The following NKAP variants were observed in gnomAD, a reference collection of about 807,000 sequenced individuals.
The protein encoded by NKAP is NF-kappa-B-activating protein.
In NKAP, 4 loss-of-function variants were observed where a neutral mutation model predicts 35.6. That is an observed-to-expected ratio of 0.11 (90% CI 0.06 to 0.26). The LOEUF is 0.26. Ranked by LOEUF, NKAP falls within the 10% of genes least tolerant of loss-of-function variation. NKAP has a pLI of 1.00. For missense variants in NKAP, 238 were observed against 321.9 expected (o/e 0.74, Z 1.99); for synonymous variants, 106 against 119.2 (o/e 0.89, Z 0.72).
At chrX:119,930,648 G>A (rs957358791) in intron 7 of NKAP, among the ~76,000 whole-genome samples, 5 of 109,052 alleles carry the variant, frequency 4.6e-5, no homozygotes, top group South Asian at 3.9e-4. Flanking sequence ...GCGAAACCCC[G>A]TCTCTACTAA....
chrX:119,929,912 G>A (rs1022844444), intron 8 of NKAP, 104 bp downstream of exon 8: 2 of 863,546 alleles, frequency 2.3e-6, no homozygotes, highest in Non-Finnish European at 3.2e-6. Flanking sequence ...CTTTTCATAA[G>A]AAACAGTCAC....
Position 119,923,867 on chromosome X carries a change from C to A in NKAP, c.*1353G>T, listed in dbSNP as rs1195687441. ...TACTCAGGAGGCTGAGGCAGGAGAA[C>A]TGCTTGAACTTAGGAGGTGGAGGTT... On this transcript the variant is annotated 3_prime_UTR_variant, in exon 9 of 9. Coordinates refer to ENST00000371410, the MANE Select transcript of NKAP (RefSeq NM_024528.4). 9.0e-6 allele frequency: 1 copy of A among 111,612 alleles called. No homozygotes were observed. Among genetic ancestry groups the A allele is most frequent in the Non-Finnish European group, 1.9e-5 (1 of 53,074 alleles). The allele number at this position is 111,612 out of a possible 1,213,427, so 9.2% of individuals were successfully genotyped here. A position where few individuals can be genotyped will look rare whatever the true frequency, so the allele number is the denominator to read the frequency against.
chrX:119,928,102 A>G (rs2056723759), intron 8 of NKAP, among the ~76,000 whole-genome samples: 1 of 112,365 alleles, frequency 8.9e-6, no homozygotes, highest in Admixed American at 9.5e-5. Flanking sequence ...TATATTGAAG[A>G]TATGGACTCT....
intron 7 of NKAP, among the ~76,000 whole-genome samples, chrX:119,931,246 G>GT (rs1309881971): frequency 2.7e-5 from 3 of 111,785 alleles, no homozygotes; most frequent in Non-Finnish European, 5.6e-5. Context: ...GCTCACGCCT[G>GT]TAATCCCAGC....
intron 8 of NKAP, among the ~76,000 whole-genome samples, chrX:119,925,929 C>CTTTTTTTTTTTTTTTTTATTTTTTTTTTT (rs1305744041): frequency 2.2e-5 from 1 of 46,434 alleles, no homozygotes; most frequent in African/African-American, 8.7e-5. Context: ...ATCCTTTTTT[C>CTTTTTTTTTTTTTTTTTATTTTTTTTTTT]TTTTTTTTTT....
rs770397379 is a variant in NKAP, at chrX:119,923,444, A to G, written c.*1776T>C. ...TATGAAAGACAGTTAAAAATATTTA[A>G]TATCATTTTAGTTTCTCTTATGAAA... is the stretch of plus-strand genomic sequence containing the variant. On this transcript the variant is annotated 3_prime_UTR_variant, in exon 9 of 9. Coordinates refer to ENST00000371410, the MANE Select transcript of NKAP (RefSeq NM_024528.4). The G allele has an allele frequency of 8.9e-6, 1 of 112,338 alleles. No individual in the cohort carries two copies. Among genetic ancestry groups the G allele is most frequent in the Admixed American group, 9.5e-5 (1 of 10,505 alleles). The allele number at this position is 112,338 out of a possible 1,213,427, so 9.3% of individuals were successfully genotyped here. A position where few individuals can be genotyped will look rare whatever the true frequency, so the allele number is the denominator to read the frequency against.
intron 8 of NKAP, among the ~76,000 whole-genome samples, chrX:119,928,570 A>AT (rs900996529): frequency 4.7e-5 from 5 of 106,458 alleles, no homozygotes; most frequent in Admixed American, 2.0e-4. Flanking sequence ...AAAAAATGAC[A>AT]TTTTTTTTTT....
chrX:119,933,821 T>TTTTTG (rs1191198306), intron 5 of NKAP, among the ~76,000 whole-genome samples: 1 of 111,194 alleles, frequency 9.0e-6, no homozygotes, highest in Admixed American at 9.6e-5. Context: ...CCTGGCCAGT[T>TTTTTG]TTTTGTTTTG....
At chrX:119,940,190 T>C (rs772613220) in intron 1 of NKAP, among the ~76,000 whole-genome samples, 48 of 109,657 alleles carry the variant, frequency 4.4e-4, no homozygotes, top group African/African-American at 1.6e-3. Context: ...AATACAAAAA[T>C]TAGCTGGACA....
chrX:119,926,803 G>A (rs1369709747), intron 8 of NKAP, among the ~76,000 whole-genome samples: 1 of 107,699 alleles, frequency 9.3e-6, no homozygotes. Context: ...GCTCACGCCT[G>A]TAATCTCAGC....
At position 119,922,649 on chromosome X, in the gene NKAP, C is replaced by T. The variant is rs1313375818; in HGVS notation, c.*2571G>A. On this transcript the variant is annotated 3_prime_UTR_variant, in exon 9 of 9. Coordinates refer to ENST00000371410, the MANE Select transcript of NKAP (RefSeq NM_024528.4). ...AGGCTGAGGTGGAGGATTGCTTGAG[C>T]CCAGGAGGTGGAGGTTGCAGTGAGC... 3 of 110,812 alleles carry T rather than the reference C, an allele frequency of 2.7e-5. No individual in the cohort carries two copies. Among genetic ancestry groups the T allele is most frequent in the African/African-American group, 9.8e-5 (3 of 30,514 alleles). The allele number at this position is 110,812 out of a possible 1,213,427, so 9.1% of individuals were successfully genotyped here. A position where few individuals can be genotyped will look rare whatever the true frequency, so the allele number is the denominator to read the frequency against.
intron 8 of NKAP, among the ~76,000 whole-genome samples, chrX:119,925,947 A>ATTTTTTT (rs1238211722): frequency 1.7e-4 from 9 of 52,367 alleles, no homozygotes; most frequent in Non-Finnish European, 2.4e-4. Context: ...TTTTTTTTTA[A>ATTTTTTT]TTTTTTTTTT....
chrX:119,934,395 T>G (rs1333642851), intron 5 of NKAP, 99 bp downstream of exon 5: 2 of 488,812 alleles, frequency 4.1e-6, no homozygotes, highest in East Asian at 1.2e-4. Flanking sequence ...ATCGAACCAC[T>G]GCACTCTGTT....
rs2056685238 is a variant in NKAP, at chrX:119,920,855, T to G, written c.*4365A>C. 1.1e-5 allele frequency: 2 copies of G among 182,455 alleles called. No individual in the cohort carries two copies. The highest frequency in any genetic ancestry group is 7.1e-5 in the Admixed American group (1 of 14,127). The allele number at this position is 182,455 out of a possible 1,213,427, so 15.0% of individuals were successfully genotyped here. A position where few individuals can be genotyped will look rare whatever the true frequency, so the allele number is the denominator to read the frequency against. On this transcript the variant is annotated 3_prime_UTR_variant, in exon 9 of 9. Coordinates refer to ENST00000371410, the MANE Select transcript of NKAP (RefSeq NM_024528.4). Reference sequence around the variant, plus strand: ...ATGTATCACTTCTGAGTCTTACAGGTATAGAGCTGAGTTTAGAGAGTTGCT... The same window carrying G: ...ATGTATCACTTCTGAGTCTTACAGGGATAGAGCTGAGTTTAGAGAGTTGCT...
At chrX:119,942,258 A>G (rs952910994) in intron 1 of NKAP, among the ~76,000 whole-genome samples, 2 of 110,906 alleles carry the variant, frequency 1.8e-5, no homozygotes, top group Admixed American at 9.6e-5. Flanking sequence ...GGATCACTTG[A>G]GCCCAGAAAT....
intron 8 of NKAP, among the ~76,000 whole-genome samples, chrX:119,928,530 A>G (rs1334939501): frequency 8.9e-6 from 1 of 111,964 alleles, no homozygotes; most frequent in Non-Finnish European, 1.9e-5. Flanking sequence ...TTCTATGTAA[A>G]CAATCAAATC....
intron 1 of NKAP, among the ~76,000 whole-genome samples, chrX:119,939,152 TGAAGA>T (rs1279920040): frequency 2.7e-5 from 3 of 112,636 alleles, no homozygotes; most frequent in Non-Finnish European, 5.6e-5. Flanking sequence ...TTATGAAAGG[TGAAGA>T]GAAGTCTCTT....
intron 8 of NKAP, among the ~76,000 whole-genome samples, chrX:119,926,164 G>A (rs1458514192): frequency 2.9e-5 from 3 of 102,475 alleles, no homozygotes; most frequent in Non-Finnish European, 4.0e-5. Flanking sequence ...CACCTTGTTA[G>A]CCAGGATGGT....
chrX:119,926,234 G>A (rs2056712934), intron 8 of NKAP, among the ~76,000 whole-genome samples: 1 of 103,356 alleles, frequency 9.7e-6, no homozygotes, highest in Non-Finnish European at 2.0e-5. Context: ...GGGATTACAG[G>A]CGTGAGCCAC....
Sources: gnomAD v4.1 joint callset for allele counts (sites outside exome capture counted in the v4.1 genomes callset) on GRCh38, gnomAD v4.1.1 for gene constraint, MANE v1.5 for transcripts, NCBI Gene and HGNC (gene_info 2026-07-23, HGNC 2026-07-21) for gene names.